Variants in ADAM10 observed in about 807,000 individuals in gnomAD.
ADAM10 encodes the protein disintegrin and metalloproteinase domain-containing protein 10.
A neutral mutation model predicts 90.1 loss-of-function variants in ADAM10; 17 were observed. The observed-to-expected ratio is 0.19, with a 90% CI of 0.13 to 0.28. The LOEUF (loss-of-function observed/expected upper bound fraction) is 0.28. ADAM10 is among the 10% of genes least tolerant of loss of function. The pLI, the probability that ADAM10 is intolerant of heterozygous loss-of-function variation, is 1.00. For missense variants in ADAM10, 610 were observed against 914.3 expected, an observed-to-expected ratio of 0.67 and a Z score of 4.29; for synonymous variants, 310 against 298.6, an observed-to-expected ratio of 1.04 and a Z score of -0.40.
intron 2 of ADAM10, among the ~76,000 whole-genome samples, chr15:58,689,952 CAAAA>C (rs1555418399): frequency 3.7e-5 from 4 of 108,894 alleles, no homozygotes; most frequent in African/African-American, 6.6e-5. Flanking sequence ...AGACCCCCCC[CAAAA>C]AAAAAAAAAA....
At position 58,616,181 on chromosome 15, in the gene ADAM10, G is replaced by A. The variant is rs142338470; in HGVS notation, c.1512-4190C>T. On this transcript the variant is annotated intron_variant, in intron 11 of 15. Coordinates refer to ENST00000260408, the MANE Select transcript of ADAM10 (RefSeq NM_001110.4). ...GAGAGATCAACTCCAATAAAGTAACGGTTGGAGACTTCAACAGCCCATTCT... is the reference window on the plus strand; with the variant it reads ...GAGAGATCAACTCCAATAAAGTAACAGTTGGAGACTTCAACAGCCCATTCT... Among the ~76,000 whole-genome samples, 757 of 152,206 alleles carry A rather than the reference G, an allele frequency of 5.0e-3. 2 individuals carry two copies. The highest frequency in any genetic ancestry group is 0.017 in the African/African-American group (723 of 41,506).
At chr15:58,634,640 T>G (rs1896200378) in intron 8 of ADAM10, among the ~76,000 whole-genome samples, 1 of 152,184 alleles carries the variant, frequency 6.6e-6, no homozygotes, top group Non-Finnish European at 1.5e-5. Flanking sequence ...AAGATCATAT[T>G]TTCTTTTAAT....
At chr15:58,658,282 C>A (rs1896882104) in intron 5 of ADAM10, among the ~76,000 whole-genome samples, 1 of 152,054 alleles carries the variant, frequency 6.6e-6, no homozygotes, top group Non-Finnish European at 1.5e-5. Context: ...GTTCTTTCCT[C>A]TTTTAAATTA....
intron 1 of ADAM10, among the ~76,000 whole-genome samples, chr15:58,736,837 T>C (rs1899446738): frequency 6.6e-6 from 1 of 152,114 alleles, no homozygotes; most frequent in Non-Finnish European, 1.5e-5. Flanking sequence ...AGATCCTTTA[T>C]CAAATTTTAT....
At chr15:58,729,181 G>T (rs1899140833) in intron 1 of ADAM10, among the ~76,000 whole-genome samples, 1 of 151,936 alleles carries the variant, frequency 6.6e-6, no homozygotes, top group South Asian at 2.1e-4. Flanking sequence ...AACATAGCGA[G>T]ACCCTGTCTC....
Position 58,595,322 on chromosome 15 carries a change from G to A in ADAM10, c.*2225C>T, listed in dbSNP as rs1309480712. 2.0e-5 allele frequency: 3 copies of A among 152,156 alleles called. No individual in the cohort carries two copies. Among genetic ancestry groups the A allele is most frequent in the Admixed American group, 2.0e-4 (3 of 15,282 alleles). 9.4% of individuals were successfully genotyped at this position (152,156 alleles called of 1,614,324 possible). ...TATACTTTTGTAGGAAGAGACAACTGTAAGAAAACACTGCCTTGTGGGAAG... is the reference window on the plus strand; with the variant it reads ...TATACTTTTGTAGGAAGAGACAACTATAAGAAAACACTGCCTTGTGGGAAG... On this transcript the variant is annotated 3_prime_UTR_variant, in exon 16 of 16. Coordinates refer to ENST00000260408, the MANE Select transcript of ADAM10 (RefSeq NM_001110.4).
chr15:58,690,278 A>G (rs1398544674), intron 2 of ADAM10, among the ~76,000 whole-genome samples: 4 of 152,166 alleles, frequency 2.6e-5, no homozygotes, highest in Non-Finnish European at 4.4e-5. Context: ...AGTTAACATC[A>G]TACTTAAAGA....
chr15:58,614,930 A>G (rs1327067137), intron 11 of ADAM10, among the ~76,000 whole-genome samples: 2 of 152,182 alleles, frequency 1.3e-5, no homozygotes, highest in African/African-American at 2.4e-5. Context: ...CCAAACCACA[A>G]TGCTAAATGA....
intron 4 of ADAM10, among the ~76,000 whole-genome samples, chr15:58,674,665 T>A (rs921992347): frequency 6.6e-6 from 1 of 152,232 alleles, no homozygotes; most frequent in South Asian, 2.1e-4. Context: ...ATGGAACTAA[T>A]TGACATTTTA....
In ADAM10 at chr15:58,747,732, C is replaced by G. The variant is rs936152943; in HGVS notation, c.55+1748G>C. The G allele has an allele frequency of 5.3e-5, 8 of 152,236 alleles. No homozygotes were observed. The South Asian group carries it at 6.2e-4, about 12-fold the overall frequency. The allele number at this position is 152,236 out of a possible 1,614,324, so 9.4% of individuals were successfully genotyped here. On this transcript the variant is annotated intron_variant, in intron 1 of 15. Coordinates refer to ENST00000260408, the MANE Select transcript of ADAM10 (RefSeq NM_001110.4). ...AACCAATGCTTAATGCAATAAAGGA[C>G]TCTGGAAATATGAATTTAGAAAATT...
rs140908891 is a variant in ADAM10, at chr15:58,660,604, T to C, written c.585+4493A>G. Among the ~76,000 whole-genome samples the C allele has an allele frequency of 3.3e-3, 503 of 152,338 alleles. 4 individuals are homozygous for C. Among genetic ancestry groups the C allele is most frequent in the African/African-American group, 0.012 (482 of 41,582 alleles). On this transcript the variant is annotated intron_variant, in intron 5 of 15. Transcript: ENST00000260408. ...TTTATATTTAATGCAGTCATCAATA[T>C]GGTTAGATTTAAACTTACCACCTTG...
intron 4 of ADAM10, chr15:58,676,057 T>C: frequency 4.5e-6 from 1 of 221,234 alleles, no homozygotes; most frequent in Non-Finnish European, 9.4e-6. Context: ...CATTTAGTTA[T>C]AAAATAAACA....
In ADAM10 at chr15:58,591,345, G is replaced by A. The variant is rs1369525362; in HGVS notation, c.*6202C>T. ...AAACAATCATTATGAAAATCATTAT[G>A]AATACAGGTCATTATCATGAATTAC... On this transcript the variant is annotated 3_prime_UTR_variant, in exon 16 of 16. Transcript: ENST00000260408. The A allele has an allele frequency of 1.3e-5, 2 of 152,120 alleles. No homozygotes were observed. The highest frequency in any genetic ancestry group is 2.4e-5 in the African/African-American group (1 of 41,420). The allele number at this position is 152,120 out of a possible 1,614,324, so 9.4% of individuals were successfully genotyped here. A position where few individuals can be genotyped will look rare whatever the true frequency, so the allele number is the denominator to read the frequency against.
At chr15:58,658,919 T>C (rs1896900844) in intron 5 of ADAM10, among the ~76,000 whole-genome samples, 1 of 152,208 alleles carries the variant, frequency 6.6e-6, no homozygotes, top group African/African-American at 2.4e-5. Flanking sequence ...TGTATGCCTT[T>C]CATTTATTTT....
chr15:58,729,117 G>A (rs1019867126), intron 1 of ADAM10, among the ~76,000 whole-genome samples: 1 of 152,078 alleles, frequency 6.6e-6, no homozygotes, highest in South Asian at 2.1e-4. Context: ...CAGCACTTTG[G>A]GAGGCTAAGG....
chr15:58,723,565 C>T (rs192892061), intron 1 of ADAM10, among the ~76,000 whole-genome samples: 15 of 151,868 alleles, frequency 9.9e-5, no homozygotes, highest in African/African-American at 3.1e-4. Context: ...ATTAGCCTGC[C>T]GTGGTGACTG....
chr15:58,612,284 C>A (rs1895460510), intron 11 of ADAM10, among the ~76,000 whole-genome samples: 1 of 152,154 alleles, frequency 6.6e-6, no homozygotes, highest in African/African-American at 2.4e-5. Flanking sequence ...GCACATTGCT[C>A]CTTCAGGTAA....
chr15:58,602,634 A>G (rs1241883176), intron 14 of ADAM10, among the ~76,000 whole-genome samples: 1 of 152,172 alleles, frequency 6.6e-6, no homozygotes, highest in Non-Finnish European at 1.5e-5. Context: ...GCACACACAC[A>G]CATATTCATA....
intron 2 of ADAM10, among the ~76,000 whole-genome samples, chr15:58,696,302 A>C (rs547225193): frequency 1.3e-3 from 187 of 147,806 alleles, no homozygotes; most frequent in Admixed American, 7.3e-3. Context: ...ACAACAACAA[A>C]AAAAAACATT....
Sources: gnomAD v4.1 joint callset for allele counts (sites outside exome capture counted in the v4.1 genomes callset) on GRCh38, gnomAD v4.1.1 for gene constraint, MANE v1.5 for transcripts, NCBI Gene and HGNC (gene_info 2026-07-23, HGNC 2026-07-21) for gene names.